LRP1B: variants seen among roughly 807,000 people sequenced by gnomAD.
LRP1B encodes low-density lipoprotein receptor-related protein 1B.
Under a neutral mutation model 556.6 loss-of-function variants are expected in LRP1B, and 217 were observed. The ratio of observed to expected loss-of-function variants is 0.39; its 90% CI spans 0.35 to 0.44. LRP1B has a LOEUF of 0.44. LRP1B is among the 20% of genes least tolerant of loss of function. LRP1B has a pLI of 1.00. For missense variants in LRP1B, 5,053 were observed against 5,620.8 expected (o/e 0.90, Z 3.23); for synonymous variants, 2,047 against 1,865.8 (o/e 1.10, Z -2.50).
intron 7 of LRP1B, among the ~76,000 whole-genome samples, chr2:141,155,027 AAGT>A (rs1053312362): frequency 1.9e-4 from 29 of 152,104 alleles, no homozygotes; most frequent in African/African-American, 6.5e-4. Flanking sequence ...AATAAAACAA[AAGT>A]AGTTTACAGA....
At chr2:141,682,345 CAAA>C (rs200535104) in intron 2 of LRP1B, among the ~76,000 whole-genome samples, 1 of 132,852 alleles carries the variant, frequency 7.5e-6, no homozygotes, top group African/African-American at 2.9e-5. Flanking sequence ...AAGTAGATGG[CAAA>C]AAAAAAAAAG....
chr2:141,190,184 T>C (rs922012319), intron 6 of LRP1B, among the ~76,000 whole-genome samples: 1 of 151,960 alleles, frequency 6.6e-6, no homozygotes, highest in Non-Finnish European at 1.5e-5. Flanking sequence ...TTTATTGTTT[T>C]CTGTAGCTCA....
intron 41 of LRP1B, among the ~76,000 whole-genome samples, chr2:140,684,400 C>T (rs1291624845): frequency 6.6e-6 from 1 of 152,148 alleles, no homozygotes; most frequent in Non-Finnish European, 1.5e-5. Context: ...ATAGGTACAA[C>T]CAAGAGGCAT....
intron 1 of LRP1B, among the ~76,000 whole-genome samples, chr2:141,992,745 CATG>C (rs1442496764): frequency 1.3e-5 from 2 of 152,110 alleles, no homozygotes; most frequent in Admixed American, 1.3e-4. Context: ...AGGATTCTGG[CATG>C]ATATTTTAGC....
chr2:141,048,061 G>T (rs1326489550), intron 11 of LRP1B, among the ~76,000 whole-genome samples: 1 of 152,040 alleles, frequency 6.6e-6, no homozygotes, highest in Non-Finnish European at 1.5e-5. Flanking sequence ...ATCTCCAAAG[G>T]TAGATTATGA....
chr2:140,411,151 G>A (rs1436413385), intron 66 of LRP1B, among the ~76,000 whole-genome samples: 4 of 152,190 alleles, frequency 2.6e-5, no homozygotes, highest in African/African-American at 7.2e-5. Context: ...TGTCTCTCTT[G>A]TACCTTGATA....
chr2:141,653,274 T>C (rs1689868011), intron 2 of LRP1B, among the ~76,000 whole-genome samples: 2 of 152,200 alleles, frequency 1.3e-5, no homozygotes, highest in African/African-American at 4.8e-5. Context: ...TTTAGAGGAT[T>C]CATTAGCAGG....
At chr2:140,536,731 T>G in intron 45 of LRP1B, 22 bp from the exon 46 acceptor site, 1 of 1,502,238 alleles carries the variant, frequency 6.7e-7, no homozygotes, top group East Asian at 2.3e-5. Context: ...AAAAAAAAAG[T>G]CAATACTTTT....
intron 77 of LRP1B, among the ~76,000 whole-genome samples, chr2:140,337,208 A>T (rs1051361670): frequency 6.6e-6 from 1 of 151,878 alleles, no homozygotes; most frequent in African/African-American, 2.4e-5. Context: ...CAGAATCCAT[A>T]GACAATTTCC....
intron 2 of LRP1B, among the ~76,000 whole-genome samples, chr2:141,598,488 A>G (rs1416291622): frequency 6.6e-6 from 1 of 152,140 alleles, no homozygotes; most frequent in Non-Finnish European, 1.5e-5. Flanking sequence ...TTGTCTTCTA[A>G]ATGGAAAATT....
In LRP1B at chr2:141,062,116, A is replaced by G; in HGVS notation, c.1171T>C (p.Leu391=). 1 of 1,612,026 alleles carries G rather than the reference A, an allele frequency of 6.2e-7. No individual in the cohort carries two copies. Among genetic ancestry groups the G allele is most frequent in the Non-Finnish European group, 8.5e-7 (1 of 1,178,718 alleles). The change falls in exon 8 of 91, where the codon TTG becomes CTG. Residue 391 remains leucine (L), a synonymous_variant. Transcript: ENST00000389484. Reference sequence around the variant, plus strand: ...TAGTCCACTACTCCCACATAGTCCAAGTAAAGATCTACCCAGTAAACCAAT... The same window carrying G: ...TAGTCCACTACTCCCACATAGTCCAGGTAAAGATCTACCCAGTAAACCAAT... The part of the protein sequence containing the change: ...NKLVYWVDLY[L]DYVGVVDYQG...
chr2:140,760,542 T>C lies in LRP1B; in HGVS notation c.5758+8671A>G, dbSNP rs1185782156. ...CACATATTGAATGGTTAGATATTTC[T>C]GGCCCTTGGCCTTATATTGCATGTT... On this transcript the variant is annotated intron_variant, in intron 35 of 90. Transcript: ENST00000389484. Among the ~76,000 whole-genome samples the C allele has an allele frequency of 2.0e-5, 3 of 152,238 alleles. No homozygotes were observed. The South Asian group carries it at 6.2e-4, about 31-fold the overall frequency.
intron 3 of LRP1B, among the ~76,000 whole-genome samples, chr2:141,322,146 T>A (rs1028791851): frequency 6.6e-6 from 1 of 152,110 alleles, no homozygotes; most frequent in East Asian, 1.9e-4. Context: ...CCTACTTAAA[T>A]CTTATTCCCA....
intron 86 of LRP1B, among the ~76,000 whole-genome samples, chr2:140,259,158 A>G (rs2104922541): frequency 6.6e-6 from 1 of 152,246 alleles, no homozygotes; most frequent in African/African-American, 2.4e-5. Flanking sequence ...TGCCTGAAGC[A>G]CAGGCTGTAT....
chr2:140,850,415 C>T (rs1692422849), intron 28 of LRP1B, 86 bp from the exon 29 acceptor site: 2 of 691,560 alleles, frequency 2.9e-6, no homozygotes, highest in Non-Finnish European at 4.8e-6. Flanking sequence ...TGATTTAATA[C>T]ATGTTAACTC....
chr2:141,889,768 C>A (rs1037330245), intron 1 of LRP1B, among the ~76,000 whole-genome samples: 4 of 152,028 alleles, frequency 2.6e-5, no homozygotes, highest in Non-Finnish European at 4.4e-5. Context: ...TGTAAACAAT[C>A]CCTAAATAAT....
chr2:141,375,349 C>T (rs1689388270), intron 3 of LRP1B, among the ~76,000 whole-genome samples: 1 of 152,096 alleles, frequency 6.6e-6, no homozygotes, highest in Admixed American at 6.6e-5. Context: ...AGGTCTAATT[C>T]TTGGGTCACC....
chr2:140,702,637 A>G, intron 37 of LRP1B, 84 bp from the exon 38 acceptor site: 1 of 1,233,006 alleles, frequency 8.1e-7, no homozygotes, highest in Non-Finnish European at 1.2e-6. Context: ...TACTAATAAC[A>G]GCAGTAGCAT....
At chr2:140,542,003 A>G in intron 43 of LRP1B, 32 bp from the exon 44 acceptor site, 1 of 1,493,104 alleles carries the variant, frequency 6.7e-7, no homozygotes, top group Non-Finnish European at 9.2e-7. Flanking sequence ...TATTTTTATG[A>G]TGAATATATA....
Sources: gnomAD v4.1 joint callset for allele counts (sites outside exome capture counted in the v4.1 genomes callset) on GRCh38, gnomAD v4.1.1 for gene constraint, MANE v1.5 for transcripts, NCBI Gene and HGNC (gene_info 2026-07-23, HGNC 2026-07-21) for gene names.